Variants in TUSC3 observed in about 807,000 individuals in gnomAD.
TUSC3 encodes tumor suppressor candidate 3.
In TUSC3, 45 loss-of-function variants were observed where a neutral mutation model predicts 44.8. That is an observed-to-expected ratio of 1.00 (90% CI 0.79 to 1.29). The LOEUF (loss-of-function observed/expected upper bound fraction) is 1.29, where lower values mean the gene tolerates loss of function less well. TUSC3 is among the 50% of genes most tolerant of loss of function. The probability of loss-of-function intolerance (pLI) is 0.00; values close to 1 mark genes in which losing one functional copy is unlikely to be tolerated. For synonymous variants in TUSC3, 212 were observed against 152.9 expected, an observed-to-expected ratio of 1.39 and a Z score of -2.85; for missense variants, 519 against 437.9, an observed-to-expected ratio of 1.19 and a Z score of -1.65.
At chr8:15,692,039 C>G (rs1808923312) in intron 6 of TUSC3, among the ~76,000 whole-genome samples, 1 of 152,134 alleles carries the variant, frequency 6.6e-6, no homozygotes, top group African/African-American at 2.4e-5. Context: ...CCACGGCTTC[C>G]CAAAGTGCTG....
chr8:15,544,728 G>A (rs1446363797), intron 1 of TUSC3, among the ~76,000 whole-genome samples: 1 of 151,796 alleles, frequency 6.6e-6, no homozygotes, highest in Non-Finnish European at 1.5e-5. Flanking sequence ...GAGAACTTAA[G>A]TGGAAGAAAA....
intron 10 of TUSC3, among the ~76,000 whole-genome samples, chr8:15,760,554 G>A (rs1812129757): frequency 6.6e-6 from 1 of 152,042 alleles, no homozygotes; most frequent in South Asian, 2.1e-4. Context: ...ACTAAGAATG[G>A]CTTCTACAGT....
At chr8:15,745,040 T>A (rs1461017623) in intron 8 of TUSC3, among the ~76,000 whole-genome samples, 1 of 152,048 alleles carries the variant, frequency 6.6e-6, no homozygotes, top group Non-Finnish European at 1.5e-5. Flanking sequence ...GAACATGAGG[T>A]ATTTGGTTTT....
the TUSC3 span, among the ~76,000 whole-genome samples, chr8:15,812,126 T>C: frequency 6.6e-6 from 1 of 152,230 alleles, no homozygotes; most frequent in African/African-American, 2.4e-5. Flanking sequence ...GTTTTAATTG[T>C]ATTGTCAGCA....
intron 1 of TUSC3, among the ~76,000 whole-genome samples, chr8:15,450,860 G>A (rs998831439): frequency 1.3e-5 from 2 of 152,078 alleles, no homozygotes; most frequent in African/African-American, 4.8e-5. Context: ...GAGGACTTGA[G>A]AAGTAGGCTT....
At chr8:15,610,776 G>A (rs1474912327) in intron 1 of TUSC3, among the ~76,000 whole-genome samples, 1 of 152,124 alleles carries the variant, frequency 6.6e-6, no homozygotes, top group Non-Finnish European at 1.5e-5. Flanking sequence ...CATTCATTCA[G>A]TAGAGGTATA....
chr8:15,538,146 GCCATATAGGTAAA>G (rs1219633111), upstream of TUSC3, among the ~76,000 whole-genome samples: 1 of 152,204 alleles, frequency 6.6e-6, no homozygotes, highest in Non-Finnish European at 1.5e-5. Context: ...TCAGACCACA[GCCATATAGGTAAA>G]TGCCTTATTA....
At chr8:15,441,791 C>A (rs185120519) in intron 1 of TUSC3, among the ~76,000 whole-genome samples, 7 of 152,306 alleles carry the variant, frequency 4.6e-5, no homozygotes, top group Admixed American at 2.6e-4. Context: ...GTGTTCCAGA[C>A]TGGATGACCC....
At chr8:15,824,118 C>G in the TUSC3 span, among the ~76,000 whole-genome samples, 1 of 152,188 alleles carries the variant, frequency 6.6e-6, no homozygotes, top group Non-Finnish European at 1.5e-5. Context: ...CCAGTAAGTG[C>G]AGAGTGGCCC....
At chr8:15,585,611 C>G in intron 1 of TUSC3, among the ~76,000 whole-genome samples, 1 of 152,248 alleles carries the variant, frequency 6.6e-6, no homozygotes, top group Non-Finnish European at 1.5e-5. Context: ...CCTAATGTGC[C>G]TGTGGGCCCT....
chr8:15,486,644 C>A (rs1800736393), intron 2 of TUSC3, among the ~76,000 whole-genome samples: 1 of 152,052 alleles, frequency 6.6e-6, no homozygotes, highest in Non-Finnish European at 1.5e-5. Context: ...GGGGTTTCAC[C>A]ATCTTGGCCA....
chr8:15,712,304 T>A (rs1032600528), intron 6 of TUSC3, among the ~76,000 whole-genome samples: 18 of 152,022 alleles, frequency 1.2e-4, no homozygotes, highest in Non-Finnish European at 2.6e-4. Context: ...TTTAGCAAAC[T>A]ATCTTTGTAT....
chr8:15,725,310 A>G (rs1403235836), intron 6 of TUSC3, among the ~76,000 whole-genome samples: 1 of 152,166 alleles, frequency 6.6e-6, no homozygotes, highest in Non-Finnish European at 1.5e-5. Flanking sequence ...TGCTTATATT[A>G]TAATTTACTT....
chr8:15,508,184 G>A (rs771924695), intron 2 of TUSC3, among the ~76,000 whole-genome samples: 1 of 152,134 alleles, frequency 6.6e-6, no homozygotes. Flanking sequence ...AGGTTGCAGT[G>A]AGCCGATTTC....
intron 1 of TUSC3, among the ~76,000 whole-genome samples, chr8:15,554,707 A>G (rs1029478183): frequency 8.3e-5 from 12 of 144,614 alleles, no homozygotes; most frequent in South Asian, 2.2e-4. Flanking sequence ...GGTTCACACC[A>G]TTCTCCTGCC....
the TUSC3 span, among the ~76,000 whole-genome samples, chr8:15,777,342 G>C: frequency 3.9e-5 from 6 of 152,112 alleles, no homozygotes; most frequent in Non-Finnish European, 8.8e-5. Flanking sequence ...GTGTGCCTCA[G>C]CAACTTTCCT....
chr8:15,540,524 C>T lies in TUSC3; in HGVS notation c.94C>T (p.Leu32=), dbSNP rs370096924. 2.8e-5 allele frequency: 45 copies of T among 1,605,922 alleles called. No homozygotes were observed. The highest frequency in any genetic ancestry group is 3.6e-5 in the Non-Finnish European group (42 of 1,176,858). Residue 32 remains leucine (L), a synonymous_variant, in exon 1 of 11, where the codon CTG becomes TTG. Coordinates refer to ENST00000503731, the MANE Select transcript of TUSC3 (RefSeq NM_006765.4). ...GAGCTTTCCCTTCCTTCTCCTGCTG[C>T]TGCTGCTCTGCATCCAGCTCGGGGG... The part of the protein sequence containing the change: ...TGSFPFLLLL[L]LLCIQLGGGQ...
chr8:15,841,243 A>T, the TUSC3 span, among the ~76,000 whole-genome samples: 3 of 152,102 alleles, frequency 2.0e-5, no homozygotes, highest in African/African-American at 7.2e-5. Context: ...ACATAGTTCT[A>T]ACTCTATATT....
intron 1 of TUSC3, among the ~76,000 whole-genome samples, chr8:15,543,415 G>C (rs1235050076): frequency 6.6e-6 from 1 of 152,038 alleles, no homozygotes; most frequent in Non-Finnish European, 1.5e-5. Context: ...ACCATGGATG[G>C]ATTTTTAAGT....
Sources: allele counts gnomAD v4.1 joint callset (sites outside exome capture counted in the v4.1 genomes callset), GRCh38; gene constraint gnomAD v4.1.1; transcripts MANE v1.5; gene names NCBI Gene and HGNC (gene_info 2026-07-23, HGNC 2026-07-21).